Variants in DCC observed in about 807,000 individuals in gnomAD.
DCC encodes DCC netrin 1 receptor.
A neutral mutation model predicts 172.5 loss-of-function variants in DCC; 58 were observed. That is an observed-to-expected ratio of 0.34 (90% CI 0.27 to 0.42). The LOEUF (loss-of-function observed/expected upper bound fraction) is 0.42, where lower values mean the gene tolerates loss of function less well. Among genes scored for constraint, DCC ranks in the 10% least tolerant of loss-of-function variants. DCC has a pLI of 1.00. For missense variants in DCC, 1,740 were observed against 1,791.0 expected (o/e 0.97, Z 0.51); for synonymous variants, 709 against 644.5 (o/e 1.10, Z -1.52).
chr18:53,351,482 A>G (rs2057812282), intron 15 of DCC, among the ~76,000 whole-genome samples: 1 of 71,864 alleles, frequency 1.4e-5, no homozygotes, highest in South Asian at 3.7e-4. Context: ...ATATATATAT[A>G]TATATATAGT....
intron 1 of DCC, among the ~76,000 whole-genome samples, chr18:52,664,296 T>G (rs1454791392): frequency 1.3e-5 from 2 of 152,038 alleles, no homozygotes; most frequent in African/African-American, 4.8e-5. Context: ...GAAGATTAAG[T>G]TTAGGGAGCT....
intron 22 of DCC, among the ~76,000 whole-genome samples, chr18:53,444,680 G>T (rs946653340): frequency 1.3e-5 from 2 of 152,148 alleles, no homozygotes; most frequent in African/African-American, 4.8e-5. Context: ...TTAAATTAAG[G>T]TGTGCCATTT....
intron 26 of DCC, among the ~76,000 whole-genome samples, chr18:53,493,538 T>C (rs2045983294): frequency 6.6e-6 from 1 of 152,212 alleles, no homozygotes; most frequent in South Asian, 2.1e-4. Context: ...TCTCTAGACT[T>C]TCTAGTTTAT....
intron 1 of DCC, among the ~76,000 whole-genome samples, chr18:52,660,883 A>C (rs527645729): frequency 1.3e-5 from 2 of 152,186 alleles, no homozygotes. Context: ...ATAGCAATTC[A>C]TCTCAACCGT....
Position 53,377,094 on chromosome 18 carries a change from C to A in DCC, c.2360-8949C>A, listed in dbSNP as rs560294550. Among the ~76,000 whole-genome samples, 3 of 152,038 alleles carry A rather than the reference C, an allele frequency of 2.0e-5. No homozygotes were observed. The South Asian group carries it at 6.2e-4, about 32-fold the overall frequency. On this transcript the variant is annotated intron_variant, in intron 15 of 28. Coordinates refer to ENST00000442544, the MANE Select transcript of DCC (RefSeq NM_005215.4). Reference sequence around the variant, plus strand: ...GTTGAAAATCTTCTTCAACTCACATCTCTTATTCTATAAAAGGTAGATAAC... The same window carrying A: ...GTTGAAAATCTTCTTCAACTCACATATCTTATTCTATAAAAGGTAGATAAC...
At chr18:52,470,154 T>C (rs1988906308) in intron 1 of DCC, among the ~76,000 whole-genome samples, 1 of 152,218 alleles carries the variant, frequency 6.6e-6, no homozygotes, top group Admixed American at 6.5e-5. Context: ...GGAAAAATTA[T>C]CTTTAAAAGG....
At chr18:52,882,950 T>C (rs2039508751) in intron 2 of DCC, among the ~76,000 whole-genome samples, 1 of 152,158 alleles carries the variant, frequency 6.6e-6, no homozygotes, top group South Asian at 2.1e-4. Context: ...TAGATGTGTG[T>C]ATATTTTCAG....
chr18:53,062,069 TATC>T (rs933572282), intron 5 of DCC, among the ~76,000 whole-genome samples: 18 of 152,220 alleles, frequency 1.2e-4, no homozygotes, highest in African/African-American at 4.3e-4. Context: ...CTTATACTAA[TATC>T]ATCAATAATT....
chr18:52,644,282 A>G (rs2034966268), intron 1 of DCC, among the ~76,000 whole-genome samples: 1 of 152,206 alleles, frequency 6.6e-6, no homozygotes, highest in African/African-American at 2.4e-5. Context: ...AGCCCATTAA[A>G]AGTTAGTGTG....
chr18:52,881,225 G>A lies in DCC; in HGVS notation c.413-24819G>A, dbSNP rs554605001. 5.3e-5 allele frequency among the ~76,000 whole-genome samples: 8 copies of A among 152,220 alleles called. 1 individual carries two copies. In the South Asian group the frequency reaches 1.7e-3, roughly 32 times the overall value. ...TGGATTAGACTTTTTCCTATAAGAT[G>A]TTTAAGCTCCTTATATATTCTGGTT... is the stretch of plus-strand genomic sequence containing the variant. On this transcript the variant is annotated intron_variant, in intron 2 of 28. Coordinates refer to ENST00000442544, the MANE Select transcript of DCC (RefSeq NM_005215.4).
intron 19 of DCC, among the ~76,000 whole-genome samples, chr18:53,405,151 T>C (rs1168833904): frequency 6.7e-6 from 1 of 149,978 alleles, no homozygotes; most frequent in Non-Finnish European, 1.5e-5. Context: ...TTTGCTATTC[T>C]CAGCTTCCTG....
intron 1 of DCC, among the ~76,000 whole-genome samples, chr18:52,373,273 C>T (rs917056259): frequency 9.2e-5 from 14 of 152,060 alleles, no homozygotes; most frequent in African/African-American, 2.9e-4. Flanking sequence ...ATCTAATCTA[C>T]CTTCTAAAGT....
chr18:52,663,285 C>G (rs1333680567), intron 1 of DCC, among the ~76,000 whole-genome samples: 3 of 152,140 alleles, frequency 2.0e-5, no homozygotes, highest in East Asian at 1.9e-4. Flanking sequence ...GGGAAAGAAC[C>G]AATAAAGAGG....
At chr18:52,771,941 T>C (rs1056360651) in intron 2 of DCC, among the ~76,000 whole-genome samples, 2 of 152,020 alleles carry the variant, frequency 1.3e-5, no homozygotes, top group African/African-American at 4.8e-5. Context: ...GTTGTCTTTA[T>C]TAGCTCCCCA....
chr18:52,643,451 G>A (rs113575527), intron 1 of DCC, among the ~76,000 whole-genome samples: 262 of 152,234 alleles, frequency 1.7e-3, no homozygotes, highest in African/African-American at 6.0e-3. Flanking sequence ...GCCATCCTTC[G>A]CAATGCTCAT....
At chr18:52,351,542 G>C (rs1041065135) in intron 1 of DCC, among the ~76,000 whole-genome samples, 4 of 152,084 alleles carry the variant, frequency 2.6e-5, no homozygotes, top group African/African-American at 9.7e-5. Context: ...TTTGAAAAGT[G>C]TACAGAGCTA....
chr18:52,806,970 G>A (rs567149360), intron 2 of DCC, among the ~76,000 whole-genome samples: 77 of 152,238 alleles, frequency 5.1e-4, no homozygotes, highest in African/African-American at 1.8e-3. Context: ...TGAGACAGGT[G>A]GATCATGAGG....
intron 1 of DCC, among the ~76,000 whole-genome samples, chr18:52,435,542 C>A (rs1987763740): frequency 6.6e-6 from 1 of 152,204 alleles, no homozygotes; most frequent in South Asian, 2.1e-4. Context: ...CAGATGCTCA[C>A]CCAGCTCTGA....
chr18:52,535,110 A>G (rs1205389407), intron 1 of DCC, among the ~76,000 whole-genome samples: 1 of 152,216 alleles, frequency 6.6e-6, no homozygotes, highest in Non-Finnish European at 1.5e-5. Flanking sequence ...TGAACGAGTT[A>G]TAGCCAGCTC....
Sources: allele counts gnomAD v4.1 joint callset (sites outside exome capture counted in the v4.1 genomes callset), GRCh38; gene constraint gnomAD v4.1.1; transcripts MANE v1.5; gene names NCBI Gene and HGNC (gene_info 2026-07-23, HGNC 2026-07-21).